Variants in MKX observed in about 807,000 individuals in gnomAD.
MKX encodes homeobox protein Mohawk.
Under a neutral mutation model 36.0 loss-of-function variants are expected in MKX, and 13 were observed. The observed-to-expected ratio is 0.36, with a 90% CI of 0.24 to 0.57. The LOEUF (loss-of-function observed/expected upper bound fraction) is 0.57, where lower values mean the gene tolerates loss of function less well. Ranked by LOEUF, MKX falls within the 20% of genes least tolerant of loss-of-function variation. The pLI is 0.79. For synonymous variants in MKX, 176 were observed against 178.3 expected (o/e 0.99, Z 0.10); for missense variants, 458 against 456.4 (o/e 1.00, Z -0.03).
Position 27,673,112 on chromosome 10 carries a change from A to G in MKX, c.*2117T>C, listed in dbSNP as rs1297141098. ...AAGCAGCAAAAGAAAAAATAAATTA[A>G]AAAGTCATTGCAATTGGAGATATTA... On this transcript the variant is annotated 3_prime_UTR_variant, in exon 7 of 7. Coordinates refer to ENST00000419761, the MANE Select transcript of MKX (RefSeq NM_173576.3). 1 of 152,206 alleles carries G rather than the reference A, an allele frequency of 6.6e-6. No homozygotes were observed. The highest frequency in any genetic ancestry group is 1.9e-4 in the East Asian group (1 of 5,204). 9.4% of individuals were successfully genotyped at this position (152,206 alleles called of 1,614,324 possible).
Position 27,673,914 on chromosome 10 carries a change from C to A in MKX, c.*1315G>T, listed in dbSNP as rs1010648279. 9 of 152,016 alleles carry A rather than the reference C, an allele frequency of 5.9e-5. No homozygotes were observed. Among genetic ancestry groups the A allele is most frequent in the Non-Finnish European group, 1.2e-4 (8 of 67,946 alleles). 9.4% of individuals were successfully genotyped at this position (152,016 alleles called of 1,614,324 possible). A position where few individuals can be genotyped will look rare whatever the true frequency, so the allele number is the denominator to read the frequency against. On this transcript the variant is annotated 3_prime_UTR_variant, in exon 7 of 7. Coordinates refer to ENST00000419761, the MANE Select transcript of MKX (RefSeq NM_173576.3). ...GATTACATACCCAGAAAAAAAAAAT[C>A]CCATCATAAAAAGTCAAACCCTTTT...
intron 5 of MKX, among the ~76,000 whole-genome samples, chr10:27,726,037 C>G (rs951193649): frequency 6.6e-6 from 1 of 152,248 alleles, no homozygotes; most frequent in Non-Finnish European, 1.5e-5. Flanking sequence ...ACAAGCACTT[C>G]TGTGAAGCTG....
intron 5 of MKX, among the ~76,000 whole-genome samples, chr10:27,717,962 G>C (rs1025036141): frequency 6.6e-6 from 1 of 152,198 alleles, no homozygotes; most frequent in African/African-American, 2.4e-5. Flanking sequence ...AAGATCTTGG[G>C]AACAGTGGCT....
chr10:27,721,219 T>C (rs932632134), intron 5 of MKX, among the ~76,000 whole-genome samples: 1 of 151,072 alleles, frequency 6.6e-6, no homozygotes, highest in African/African-American at 2.4e-5. Context: ...CTTAAAGTTC[T>C]ACTAGAACAA....
At chr10:27,694,543 T>TATATATATATAA (rs1455278632) in intron 5 of MKX, among the ~76,000 whole-genome samples, 1 of 142,374 alleles carries the variant, frequency 7.0e-6, no homozygotes, top group African/African-American at 2.6e-5. Context: ...TATATATATA[T>TATATATATATAA]AAATTAGCCG....
intron 5 of MKX, among the ~76,000 whole-genome samples, chr10:27,702,704 C>T (rs1402214975): frequency 6.6e-6 from 1 of 151,996 alleles, no homozygotes; most frequent in Non-Finnish European, 1.5e-5. Context: ...AATGCAGGAT[C>T]GCAGATCAGA....
chr10:27,743,663 C>T (rs941531195), intron 1 of MKX, 166 bp from the exon 2 acceptor site: 3 of 496,334 alleles, frequency 6.0e-6, no homozygotes, highest in Non-Finnish European at 1.0e-5. Flanking sequence ...TGGCTACACG[C>T]CCCCGCCCCT....
chr10:27,734,486 C>G lies in MKX; in HGVS notation c.808G>C (p.Glu270Gln). The change falls in exon 5 of 7, where the codon GAA becomes CAA. Residue 270 changes from glutamate (E) to glutamine (Q), a missense_variant. Coordinates refer to ENST00000419761, the MANE Select transcript of MKX (RefSeq NM_173576.3). ...EEELVSPSSS[E>Q]TEGNFVYRTD... ...CGATAGACAAAGTTGCCTTCAGTTT[C>G]TGATGACGATGGAGACACTAATTCT... 1 of 1,614,170 alleles carries G rather than the reference C, an allele frequency of 6.2e-7. No individual in the cohort carries two copies. Among genetic ancestry groups the G allele is most frequent in the Non-Finnish European group, 8.5e-7 (1 of 1,180,008 alleles).
intron 5 of MKX, among the ~76,000 whole-genome samples, chr10:27,730,985 T>A (rs1218382480): frequency 6.6e-6 from 1 of 151,444 alleles, no homozygotes; most frequent in African/African-American, 2.4e-5. Flanking sequence ...ATACAAAAAA[T>A]TAGCCCAATG....
At chr10:27,697,371 G>T (rs1836574047) in intron 5 of MKX, among the ~76,000 whole-genome samples, 1 of 152,076 alleles carries the variant, frequency 6.6e-6, no homozygotes, top group Non-Finnish European at 1.5e-5. Flanking sequence ...ATATAATAAA[G>T]GGCCAGGACA....
At chr10:27,676,462 C>T (rs1263220223) in intron 5 of MKX, among the ~76,000 whole-genome samples, 2 of 151,052 alleles carry the variant, frequency 1.3e-5, no homozygotes, top group Non-Finnish European at 2.9e-5. Flanking sequence ...ACTGCAACCT[C>T]CACCTCCCAG....
chr10:27,694,455 C>T (rs1205490769), intron 5 of MKX, among the ~76,000 whole-genome samples: 4 of 148,558 alleles, frequency 2.7e-5, no homozygotes, highest in East Asian at 2.0e-4. Context: ...CTGAGGCAGG[C>T]GGATCACGAG....
intron 5 of MKX, among the ~76,000 whole-genome samples, chr10:27,681,446 G>T (rs929174782): frequency 2.0e-5 from 3 of 149,910 alleles, no homozygotes; most frequent in African/African-American, 7.5e-5. Context: ...GGACTCCATC[G>T]CAAAACAAAC....
intron 5 of MKX, among the ~76,000 whole-genome samples, chr10:27,701,766 T>C (rs1836661236): frequency 6.9e-6 from 1 of 145,920 alleles, no homozygotes; most frequent in African/African-American, 2.5e-5. Context: ...TATATATAAA[T>C]TATAATATAA....
At chr10:27,706,150 C>T (rs1024614525) in intron 5 of MKX, among the ~76,000 whole-genome samples, 2 of 152,074 alleles carry the variant, frequency 1.3e-5, no homozygotes, top group Non-Finnish European at 2.9e-5. Flanking sequence ...CTGTGACTGA[C>T]TTATTTCACT....
chr10:27,734,615 G>T lies in MKX; in HGVS notation c.679C>A (p.Leu227Ile). The change falls in exon 5 of 7, where the codon CTT becomes ATT. Residue 227 changes from leucine (L) to isoleucine (I), a missense_variant. This residue lies in a region of MKX where 297 missense variants were observed against 304.4 expected (regional missense o/e 0.98). Coordinates refer to ENST00000419761, the MANE Select transcript of MKX (RefSeq NM_173576.3). ...KYKSSLLNRY[L>I]NDSLRHVMAT... The stretch of plus-strand genomic sequence containing the variant: ...ATGACATGTCTCAAAGAGTCATTAA[G>T]GTAACGGTTCAACAAGCTGCTCTTG... 6.2e-7 allele frequency: 1 copy of T among 1,614,134 alleles called. No individual in the cohort carries two copies. The highest frequency in any genetic ancestry group is 1.1e-5 in the South Asian group (1 of 91,074).
intron 5 of MKX, among the ~76,000 whole-genome samples, chr10:27,726,822 A>C (rs1172708305): frequency 1.3e-5 from 2 of 151,986 alleles, no homozygotes; most frequent in Non-Finnish European, 2.9e-5. Flanking sequence ...ACAGATCAAC[A>C]TATACTTAAG....
At chr10:27,733,209 A>C (rs886773364) in intron 5 of MKX, among the ~76,000 whole-genome samples, 11 of 152,158 alleles carry the variant, frequency 7.2e-5, no homozygotes, top group Admixed American at 6.5e-4. Flanking sequence ...AGTCTTTAGA[A>C]ATGTATTGAT....
At chr10:27,691,001 C>CTGCT (rs1462894936) in intron 5 of MKX, among the ~76,000 whole-genome samples, 2 of 152,134 alleles carry the variant, frequency 1.3e-5, no homozygotes, top group Non-Finnish European at 2.9e-5. Context: ...TTTCTCTCTC[C>CTGCT]TGCTGCCTTG....
Sources: gnomAD v4.1 joint callset for allele counts (sites outside exome capture counted in the v4.1 genomes callset) on GRCh38, gnomAD v4.1.1 for gene constraint, gnomAD v4.1.1 regional missense constraint, MANE v1.5 for transcripts, NCBI Gene and HGNC (gene_info 2026-07-23, HGNC 2026-07-21) for gene names.